The following TXNDC16 variants were observed in gnomAD, a reference collection of about 807,000 sequenced individuals.
TXNDC16 encodes thioredoxin domain containing 16.
In TXNDC16, 74 loss-of-function variants were observed where a neutral mutation model predicts 85.6. That is an observed-to-expected ratio of 0.86 (90% CI 0.72 to 1.05). TXNDC16 has a LOEUF of 1.05. TXNDC16 is among the 50% of genes least tolerant of loss of function. The pLI is 0.00. For synonymous variants in TXNDC16, 335 were observed against 326.5 expected, an observed-to-expected ratio of 1.03 and a Z score of -0.28; for missense variants, 959 against 947.0, an observed-to-expected ratio of 1.01 and a Z score of -0.17.
intron 8 of TXNDC16, among the ~76,000 whole-genome samples, chr14:52,514,585 A>G (rs1057470140): frequency 6.6e-6 from 1 of 152,110 alleles, no homozygotes; most frequent in Non-Finnish European, 1.5e-5. Context: ...CCCCTATCTG[A>G]TCACCGCAGG....
chr14:52,540,630 AAAG>A (rs1360642420), intron 4 of TXNDC16, among the ~76,000 whole-genome samples: 1 of 152,130 alleles, frequency 6.6e-6, no homozygotes, highest in Admixed American at 6.5e-5. Context: ...GTCTCAAAAA[AAAG>A]AAGAAAAAAA....
Position 52,454,350 on chromosome 14 carries a change from C to T in TXNDC16, c.1842+974G>A, listed in dbSNP as rs570959208. On this transcript the variant is annotated intron_variant, in intron 18 of 20. Transcript: ENST00000281741. ...CTGAAGCAAGAGAATCACTTGAGAC[C>T]GGCAGGCGGAGGTTGCAGTGAGCCG... 2.0e-5 allele frequency among the ~76,000 whole-genome samples: 3 copies of T among 150,994 alleles called. No homozygotes were observed. In the East Asian group the frequency reaches 5.9e-4, roughly 30 times the overall value.
chr14:52,550,812 T>G (rs898759840), intron 1 of TXNDC16, among the ~76,000 whole-genome samples: 23 of 152,204 alleles, frequency 1.5e-4, no homozygotes, highest in African/African-American at 5.5e-4. Context: ...GATTTTATGC[T>G]CAATTTAAAT....
At chr14:52,448,269 T>TA (rs950067671) in intron 18 of TXNDC16, among the ~76,000 whole-genome samples, 7 of 151,296 alleles carry the variant, frequency 4.6e-5, no homozygotes, top group Admixed American at 2.6e-4. Flanking sequence ...GTCAAGGATT[T>TA]AAAAAAAAGG....
chr14:52,548,094 G>C (rs1049259763), intron 1 of TXNDC16, among the ~76,000 whole-genome samples: 46 of 152,312 alleles, frequency 3.0e-4, no homozygotes, highest in African/African-American at 1.1e-3. Context: ...ATTAGGCCTT[G>C]TCTGTCAGCC....
chr14:52,485,461 C>A (rs2036247233), intron 12 of TXNDC16, among the ~76,000 whole-genome samples: 1 of 152,032 alleles, frequency 6.6e-6, no homozygotes, highest in Non-Finnish European at 1.5e-5. Context: ...TTAGTACAGC[C>A]TAAGTGTACA....
At chr14:52,459,953 C>T (rs1297026735) in intron 16 of TXNDC16, among the ~76,000 whole-genome samples, 1 of 152,056 alleles carries the variant, frequency 6.6e-6, no homozygotes, top group Non-Finnish European at 1.5e-5. Flanking sequence ...CAACATCATA[C>T]TGAATGGGCA....
chr14:52,544,578 A>G (rs182180639), intron 1 of TXNDC16, among the ~76,000 whole-genome samples: 9 of 152,200 alleles, frequency 5.9e-5, no homozygotes, highest in Non-Finnish European at 1.2e-4. Context: ...AGAATTTTTC[A>G]GCAAAGAATA....
At chr14:52,506,527 C>CTTTTTTTTTT (rs765293725) in intron 9 of TXNDC16, among the ~76,000 whole-genome samples, 14 of 97,538 alleles carry the variant, frequency 1.4e-4, no homozygotes, top group South Asian at 4.1e-4. Flanking sequence ...TTCAACAACC[C>CTTTTTTTTTT]TTTTTTTTTT....
chr14:52,514,764 G>T, intron 8 of TXNDC16, 116 bp downstream of exon 8: 1 of 699,344 alleles, frequency 1.4e-6, no homozygotes, highest in South Asian at 2.0e-5. Context: ...CATCTGCTAT[G>T]GTTCCTTTAT....
chr14:52,491,087 A>G (rs1189879077), intron 9 of TXNDC16, 82 bp from the exon 10 acceptor site: 2 of 1,441,908 alleles, frequency 1.4e-6, no homozygotes, highest in Non-Finnish European at 1.8e-6. Flanking sequence ...TCTTATTAAT[A>G]AAGTCATGAG....
intron 9 of TXNDC16, 98 bp downstream of exon 9, chr14:52,511,142 A>T: frequency 3.5e-6 from 4 of 1,143,870 alleles, no homozygotes; most frequent in African/African-American, 3.2e-5. Flanking sequence ...GCATCTATAA[A>T]TCAAAACTTA....
At position 52,511,275 on chromosome 14, in the gene TXNDC16, G is replaced by C. The variant is rs201434300; in HGVS notation, c.721C>G (p.His241Asp). ...GCTTTCATTGTCTTAATAAACAGGT[G>C]AATGTTCAGTGTAGTCAATGGCTGT... is the stretch of plus-strand genomic sequence containing the variant. ...MEQPLTTLNI[H>D]LFIKTMKAPL... Residue 241 changes from histidine (H) to aspartate (D), a missense_variant, in exon 9 of 21, where the codon CAC (histidine) becomes GAC (aspartate). His to Asp is a moderately conservative substitution (Grantham distance 81). Coordinates refer to ENST00000281741, the MANE Select transcript of TXNDC16 (RefSeq NM_020784.3). The C allele has an allele frequency of 5.0e-4, 798 of 1,592,102 alleles. No homozygotes were observed. The highest frequency in any genetic ancestry group is 1.3e-3 in the South Asian group (110 of 87,288).
At chr14:52,455,044 C>T (rs2035500070) in intron 18 of TXNDC16, among the ~76,000 whole-genome samples, 1 of 152,106 alleles carries the variant, frequency 6.6e-6, no homozygotes, top group African/African-American at 2.4e-5. Flanking sequence ...GCTGACCTTC[C>T]AGAATGGACA....
intron 4 of TXNDC16, 105 bp from the exon 5 acceptor site, chr14:52,537,777 A>G (rs575565963): frequency 3.1e-4 from 205 of 671,464 alleles, no homozygotes; most frequent in African/African-American, 2.8e-3. Flanking sequence ...TTGCAGGTCA[A>G]ATTTTGTATT....
At chr14:52,526,925 A>T (rs569721790) in intron 6 of TXNDC16, among the ~76,000 whole-genome samples, 1 of 152,358 alleles carries the variant, frequency 6.6e-6, no homozygotes, top group South Asian at 2.1e-4. Flanking sequence ...GAGGGCTTGA[A>T]GAGCTTCCAG....
chr14:52,483,927 T>G (rs11850114), intron 12 of TXNDC16, among the ~76,000 whole-genome samples: 77,855 of 151,764 alleles, frequency 0.51, 20,918 homozygotes, highest in East Asian at 0.71. Context: ...AAAAGGAAAA[T>G]AAAACTCAGG....
At chr14:52,436,620 T>C (rs900406713) in intron 20 of TXNDC16, among the ~76,000 whole-genome samples, 2 of 152,218 alleles carry the variant, frequency 1.3e-5, no homozygotes, top group African/African-American at 4.8e-5. Context: ...AAGCATAATA[T>C]GTTTGTTAAA....
intron 17 of TXNDC16, 67 bp downstream of exon 17, chr14:52,457,023 C>A (rs1229383520): frequency 9.9e-6 from 11 of 1,112,776 alleles, no homozygotes; most frequent in East Asian, 5.2e-5. Context: ...TAAATATAAG[C>A]AATTATTAGA....
Sources: allele counts gnomAD v4.1 joint callset (sites outside exome capture counted in the v4.1 genomes callset), GRCh38; gene constraint gnomAD v4.1.1; transcripts MANE v1.5; gene names NCBI Gene and HGNC (gene_info 2026-07-23, HGNC 2026-07-21).